CPNE4: variants seen among roughly 807,000 people sequenced by gnomAD.
CPNE4 encodes the protein copine 4.
CPNE4 carries 25 observed loss-of-function variants against 67.9 expected under a neutral mutation model. The ratio of observed to expected loss-of-function variants is 0.37; its 90% confidence interval spans 0.27 to 0.51. CPNE4 has a LOEUF of 0.51. Among genes scored for constraint, CPNE4 ranks in the 20% least tolerant of loss-of-function variants. The pLI, the probability that CPNE4 is intolerant of heterozygous loss-of-function variation, is 0.93. For synonymous variants in CPNE4, 242 were observed against 244.9 expected (o/e 0.99, Z 0.11); for missense variants, 464 against 690.8 (o/e 0.67, Z 3.68).
intron 7 of CPNE4, among the ~76,000 whole-genome samples, chr3:131,635,382 CA>C (rs1486260630): frequency 6.6e-6 from 1 of 152,136 alleles, no homozygotes; most frequent in East Asian, 1.9e-4. Flanking sequence ...AAATACTATT[CA>C]AAAGTATACA....
chr3:131,995,182 TCACACACACAAA>T (rs2073259547), intron 1 of CPNE4, among the ~76,000 whole-genome samples: 1 of 152,048 alleles, frequency 6.6e-6, no homozygotes, highest in Non-Finnish European at 1.5e-5. Flanking sequence ...AAATCAGAAT[TCACACACACAAA>T]CACACACACT....
At chr3:131,948,962 A>G (rs1436455621) in intron 1 of CPNE4, among the ~76,000 whole-genome samples, 2 of 152,244 alleles carry the variant, frequency 1.3e-5, no homozygotes, top group Non-Finnish European at 2.9e-5. Context: ...TTTTGCTGTC[A>G]GATTAACTGG....
chr3:131,806,812 G>A (rs917316007), intron 2 of CPNE4, among the ~76,000 whole-genome samples: 1 of 152,144 alleles, frequency 6.6e-6, no homozygotes, highest in African/African-American at 2.4e-5. Context: ...ATGAAAGGAA[G>A]AATGAATGTC....
chr3:131,644,092 C>G (rs942213361), intron 7 of CPNE4, among the ~76,000 whole-genome samples: 12 of 152,072 alleles, frequency 7.9e-5, no homozygotes, highest in African/African-American at 2.7e-4. Context: ...ATGCATCACC[C>G]AGAGGGCTTG....
Position 131,887,547 on chromosome 3 carries a change from T to G in CPNE4, c.180+17717A>C, listed in dbSNP as rs1202920241. On this transcript the variant is annotated intron_variant, in intron 2 of 15. Transcript: ENST00000429747. ...AGTGAAAAAACAAATGTAGGAGGGC[T>G]ATGAAGATACTAGCTGTTTTTATTT... Among the ~76,000 whole-genome samples the G allele has an allele frequency of 2.6e-5, 4 of 152,204 alleles. No individual in the cohort carries two copies. The East Asian group carries it at 5.8e-4, about 22-fold the overall frequency.
chr3:131,752,984 T>A (rs2082666955), intron 2 of CPNE4, among the ~76,000 whole-genome samples: 1 of 151,716 alleles, frequency 6.6e-6, no homozygotes, highest in African/African-American at 2.4e-5. Context: ...AATTTCTTTT[T>A]CCAGATATTA....
rs2074309064 is a variant in CPNE4, at chr3:132,034,697, C to T, written c.-132G>A. ...GGTAGTTTTGTACTGATGTAAGGGGCGTCGCACCTCCTTCCCCTCTCGTCC... is the reference window on the plus strand; with the variant it reads ...GGTAGTTTTGTACTGATGTAAGGGGTGTCGCACCTCCTTCCCCTCTCGTCC... On this transcript the variant is annotated 5_prime_UTR_variant, in exon 1 of 16. Coordinates refer to ENST00000429747, the MANE Select transcript of CPNE4 (RefSeq NM_130808.3). 11 of 985,082 alleles carry T rather than the reference C, an allele frequency of 1.1e-5. No homozygotes were observed. The highest frequency in any genetic ancestry group is 1.2e-5 in the Non-Finnish European group (10 of 830,018). 61.0% of individuals were successfully genotyped at this position (985,082 alleles called of 1,614,324 possible). A position where few individuals can be genotyped will look rare whatever the true frequency, so the allele number is the denominator to read the frequency against.
At chr3:131,923,112 C>G (rs1219073280) in intron 1 of CPNE4, among the ~76,000 whole-genome samples, 1 of 152,086 alleles carries the variant, frequency 6.6e-6, no homozygotes, top group Non-Finnish European at 1.5e-5. Flanking sequence ...AAGAAATTAG[C>G]TCATGGGAGG....
rs534229450 is a variant in CPNE4 at position 131,557,376 on chromosome 3, C to G, written c.1062-1825G>C. 2.4e-4 allele frequency among the ~76,000 whole-genome samples: 37 copies of G among 152,168 alleles called. No homozygotes were observed. In the East Asian group the frequency reaches 6.8e-3, roughly 28 times the overall value. The stretch of plus-strand genomic sequence containing the variant: ...GGAAAAAGGGATGAGCCCCACTAAT[C>G]CCCAGGCTGACAGAAAAGTCAAAGT... On this transcript the variant is annotated intron_variant, in intron 11 of 15. Transcript: ENST00000429747.
At chr3:131,618,890 A>C (rs1940311235) in intron 7 of CPNE4, among the ~76,000 whole-genome samples, 1 of 152,204 alleles carries the variant, frequency 6.6e-6, no homozygotes, top group Admixed American at 6.5e-5. Context: ...CCAAGGTTTA[A>C]GGACAACCTG....
intron 2 of CPNE4, among the ~76,000 whole-genome samples, chr3:131,752,831 C>G (rs2082663461): frequency 6.6e-6 from 1 of 151,962 alleles, no homozygotes; most frequent in African/African-American, 2.4e-5. Context: ...TTCTCCAAAA[C>G]TAGTATACGA....
At chr3:131,840,217 G>C (rs13326997) in intron 2 of CPNE4, among the ~76,000 whole-genome samples, 1 of 152,088 alleles carries the variant, frequency 6.6e-6, no homozygotes, top group Non-Finnish European at 1.5e-5. Context: ...TTCTCAATTA[G>C]TTTCCAATTT....
intron 2 of CPNE4, among the ~76,000 whole-genome samples, chr3:131,851,717 T>A (rs1025297517): frequency 6.6e-6 from 1 of 152,018 alleles, no homozygotes; most frequent in African/African-American, 2.4e-5. Context: ...GTGGAGGAAA[T>A]AGCTATCTTG....
chr3:131,731,448 C>G (rs1302024370), intron 2 of CPNE4, among the ~76,000 whole-genome samples: 1 of 152,210 alleles, frequency 6.6e-6, no homozygotes, highest in African/African-American at 2.4e-5. Flanking sequence ...CCACACAGAG[C>G]ATGAGCAAAT....
chr3:131,894,074 T>G (rs2088224438), intron 2 of CPNE4, among the ~76,000 whole-genome samples: 1 of 151,896 alleles, frequency 6.6e-6, no homozygotes, highest in African/African-American at 2.4e-5. Flanking sequence ...TAGTCTAAAC[T>G]GTTATTAACA....
chr3:131,574,450 A>G (rs1701020311), intron 10 of CPNE4, among the ~76,000 whole-genome samples: 1 of 152,138 alleles, frequency 6.6e-6, no homozygotes, highest in South Asian at 2.1e-4. Flanking sequence ...AGTCAAATAT[A>G]CATCAGGGGT....
chr3:132,037,611 G>T (rs1232043611), upstream of CPNE4: 2 of 1,535,784 alleles, frequency 1.3e-6, no homozygotes, highest in Admixed American at 3.9e-5. Flanking sequence ...TACAGCCATG[G>T]TCAAATTTAT....
At chr3:131,917,560 G>GCTCTCT (rs113280712) in intron 1 of CPNE4, among the ~76,000 whole-genome samples, 108 of 148,556 alleles carry the variant, frequency 7.3e-4, no homozygotes, top group South Asian at 3.4e-3. Context: ...ATATGTTCTT[G>GCTCTCT]CTCTCTCTCT....
chr3:131,598,517 C>G (rs1195556689), intron 7 of CPNE4, among the ~76,000 whole-genome samples: 1 of 152,102 alleles, frequency 6.6e-6, no homozygotes, highest in Non-Finnish European at 1.5e-5. Context: ...TGATCCTCAC[C>G]AGAGGTCCAT....
Sources: gnomAD v4.1 joint callset for allele counts (sites outside exome capture counted in the v4.1 genomes callset) on GRCh38, gnomAD v4.1.1 for gene constraint, MANE v1.5 for transcripts, NCBI Gene and HGNC (gene_info 2026-07-23, HGNC 2026-07-21) for gene names.